Variants in NSG1 observed in about 807,000 individuals in gnomAD.
The protein encoded by NSG1 is neuronal vesicle trafficking associated 1, also known as neuronal vesicle trafficking-associated protein 1.
A neutral mutation model predicts 19.3 loss-of-function variants in NSG1; 9 were observed. The ratio of observed to expected loss-of-function variants is 0.47; its 90% CI spans 0.28 to 0.81. The LOEUF (loss-of-function observed/expected upper bound fraction) is 0.81. NSG1 is among the 40% of genes least tolerant of loss of function. The pLI, the probability that NSG1 is intolerant of heterozygous loss-of-function variation, is 0.11. For synonymous variants in NSG1, 104 were observed against 107.0 expected (o/e 0.97, Z 0.17); for missense variants, 236 against 242.4 (o/e 0.97, Z 0.18).
At chr4:4,387,788 C>G (rs1722810009) in intron 2 of NSG1, 30 bp downstream of exon 2, 1 of 1,559,552 alleles carries the variant, frequency 6.4e-7, no homozygotes, top group Admixed American at 1.7e-5. Flanking sequence ...TCCACGTTGC[C>G]GGGTGTGCAC....
At chr4:4,388,993 C>T (rs562991640) in intron 2 of NSG1, among the ~76,000 whole-genome samples, 2 of 152,356 alleles carry the variant, frequency 1.3e-5, no homozygotes, top group East Asian at 3.9e-4. Flanking sequence ...GCTTCCACTC[C>T]ACCCCTCCCT....
chr4:4,402,136 G>T (rs1035930986), intron 3 of NSG1, among the ~76,000 whole-genome samples: 1 of 146,924 alleles, frequency 6.8e-6, no homozygotes. Flanking sequence ...TGATCCTCTC[G>T]CTTCGGCCTC....
intron 2 of NSG1, among the ~76,000 whole-genome samples, chr4:4,387,966 T>C (rs1722821887): frequency 6.7e-6 from 1 of 150,062 alleles, no homozygotes; most frequent in African/African-American, 2.4e-5. Flanking sequence ...CTGCCTTAGA[T>C]GATATTCTCG....
At chr4:4,388,136 T>G (rs1041668950) in intron 2 of NSG1, among the ~76,000 whole-genome samples, 4 of 150,800 alleles carry the variant, frequency 2.7e-5, no homozygotes, top group African/African-American at 9.7e-5. Context: ...AGGCTGCCCC[T>G]GTACCTTCCC....
chr4:4,410,838 A>G (rs1387076030), intron 4 of NSG1, among the ~76,000 whole-genome samples: 2 of 152,092 alleles, frequency 1.3e-5, no homozygotes, highest in African/African-American at 4.8e-5. Flanking sequence ...ACCTGAGCTC[A>G]CTGTAACCTT....
chr4:4,396,043 C>T (rs973388035), intron 3 of NSG1, among the ~76,000 whole-genome samples: 11 of 152,190 alleles, frequency 7.2e-5, no homozygotes, highest in African/African-American at 1.9e-4. Flanking sequence ...CAGGAGGACT[C>T]CCCCAGCGGC....
chr4:4,415,205 G>A (rs1160235982), intron 4 of NSG1, among the ~76,000 whole-genome samples: 4 of 152,068 alleles, frequency 2.6e-5, no homozygotes, highest in African/African-American at 4.8e-5. Context: ...CATCGCACCC[G>A]GACCTTAGTG....
At chr4:4,391,857 G>A (rs967941441) in intron 3 of NSG1, among the ~76,000 whole-genome samples, 1 of 152,106 alleles carries the variant, frequency 6.6e-6, no homozygotes, top group Admixed American at 6.5e-5. Flanking sequence ...TGTCTTTTAG[G>A]CAAAGATTAT....
chr4:4,407,255 C>A (rs1723916439), intron 3 of NSG1, among the ~76,000 whole-genome samples: 1 of 152,132 alleles, frequency 6.6e-6, no homozygotes, highest in African/African-American at 2.4e-5. Context: ...ACTGGCAGGA[C>A]CTGGGGACCA....
chr4:4,409,468 T>C (rs188089450), intron 3 of NSG1, 105 bp from the exon 4 acceptor site: 12 of 825,658 alleles, frequency 1.5e-5, no homozygotes, highest in African/African-American at 3.3e-5. Context: ...CTTCCAGAGA[T>C]AGTCTCTGCA....
rs1167821555 is a variant in NSG1, at chr4:4,419,024, C to T, written c.*1589C>T. 6.6e-6 allele frequency: 1 copy of T among 152,272 alleles called. No homozygotes were observed. Among genetic ancestry groups the T allele is most frequent in the Non-Finnish European group, 1.5e-5 (1 of 68,066 alleles). 9.4% of individuals were successfully genotyped at this position (152,272 alleles called of 1,614,324 possible). A position where few individuals can be genotyped will look rare whatever the true frequency, so the allele number is the denominator to read the frequency against. ...GAATTCATTTACATGTAACTTCTGA[C>T]ATTTCACTCTGTGCAAATAAAGAAC... On this transcript the variant is annotated 3_prime_UTR_variant, in exon 5 of 5. Transcript: ENST00000621129.
chr4:4,393,109 G>A (rs1270924088), intron 3 of NSG1, among the ~76,000 whole-genome samples: 2 of 152,176 alleles, frequency 1.3e-5, no homozygotes, highest in Non-Finnish European at 2.9e-5. Flanking sequence ...TTGATTTCAA[G>A]GTCATGGTGT....
intron 3 of NSG1, among the ~76,000 whole-genome samples, chr4:4,408,446 G>A (rs945504823): frequency 1.4e-4 from 22 of 152,252 alleles, no homozygotes; most frequent in African/African-American, 4.8e-4. Flanking sequence ...CCATCTGCAC[G>A]CTGTTTTAGC....
At chr4:4,396,681 G>C (rs374361637) in intron 3 of NSG1, among the ~76,000 whole-genome samples, 1 of 16,360 alleles carries the variant, frequency 6.1e-5, no homozygotes, top group South Asian at 7.7e-3. Flanking sequence ...AGCTTCCTGC[G>C]TGCCCATCTG....
At chr4:4,386,915 C>A (rs1017735760), upstream of NSG1, 2 of 152,182 alleles carry the variant, frequency 1.3e-5, no homozygotes, top group Non-Finnish European at 2.9e-5. Context: ...CGCCCAGCCC[C>A]GCACTCCTTT....
At position 4,418,700 on chromosome 4, in the gene NSG1, T is replaced by C. The variant is rs1724732945; in HGVS notation, c.*1265T>C. ...ACGACAAATAGTGTGAGATGTGTTG[T>C]GAACAGGCATGGTGACCGTGGTCAG... On this transcript the variant is annotated 3_prime_UTR_variant, in exon 5 of 5. Coordinates refer to ENST00000621129, the MANE Select transcript of NSG1 (RefSeq NM_014392.5). 1 of 152,680 alleles carries C rather than the reference T, an allele frequency of 6.5e-6. No individual in the cohort carries two copies. Among genetic ancestry groups the C allele is most frequent in the South Asian group, 2.1e-4 (1 of 4,832 alleles). The allele number at this position is 152,680 out of a possible 1,614,324, so 9.5% of individuals were successfully genotyped here.
intron 1 of NSG1, 43 bp from the exon 2 acceptor site, chr4:4,387,561 C>CGGGGGGGGGGTGGGGG: frequency 8.8e-7 from 1 of 1,141,992 alleles, no homozygotes. Flanking sequence ...CGCCCCGCCC[C>CGGGGGGGGGGTGGGGG]GGGTCTTGCT....
intron 2 of NSG1, 23 bp downstream of exon 2, chr4:4,387,781 A>T (rs762109238): frequency 1.9e-6 from 3 of 1,572,552 alleles, no homozygotes; most frequent in Non-Finnish European, 2.6e-6. Flanking sequence ...ACGCCCCTCC[A>T]CGTTGCCGGG....
chr4:4,407,180 A>T (rs1201276719), intron 3 of NSG1, among the ~76,000 whole-genome samples: 2 of 152,202 alleles, frequency 1.3e-5, no homozygotes, highest in East Asian at 3.9e-4. Context: ...AGAGAGGGTG[A>T]TGGCCCTGAG....
Sources: allele counts gnomAD v4.1 joint callset (sites outside exome capture counted in the v4.1 genomes callset), GRCh38; gene constraint gnomAD v4.1.1; transcripts MANE v1.5; gene names NCBI Gene and HGNC (gene_info 2026-07-23, HGNC 2026-07-21).